C18orf63: variants seen among roughly 807,000 people sequenced by gnomAD.
C18orf63 encodes the protein chromosome 18 open reading frame 63, also known as uncharacterized protein C18orf63.
C18orf63 carries 50 observed loss-of-function variants against 75.3 expected under a neutral mutation model. That is an observed-to-expected ratio of 0.66 (90% confidence interval 0.53 to 0.84). C18orf63 has a LOEUF of 0.84. Among genes scored for constraint, C18orf63 ranks in the 40% least tolerant of loss-of-function variants. C18orf63 has a pLI of 0.00. For synonymous variants in C18orf63, 232 were observed against 267.6 expected (o/e 0.87, Z 1.30); for missense variants, 732 against 800.2 (o/e 0.91, Z 1.03).
In C18orf63 at chr18:74,320,387, C is replaced by T. The variant is rs148848920; in HGVS notation, c.135-126C>T. The T allele has an allele frequency of 9.5e-4, 545 of 573,630 alleles. 5 individuals carry two copies. In the East Asian group the frequency reaches 0.012, roughly 13 times the overall value. The allele number at this position is 573,630 out of a possible 1,614,324, so 35.5% of individuals were successfully genotyped here. A position where few individuals can be genotyped will look rare whatever the true frequency, so the allele number is the denominator to read the frequency against. ...GAGCAACAGGGGGGAAATCCGCCGC[C>T]ATGAGCCAATCACTTCCCACCAGGT... On this transcript the variant is annotated intron_variant, in intron 2 of 13. Transcript: ENST00000579455.
rs1030918290 is a variant in C18orf63, at chr18:74,322,885, C to A, written c.270+131C>A. 8.4e-5 allele frequency: 26 copies of A among 310,970 alleles called. No homozygotes were observed. The East Asian group carries it at 9.5e-4, about 11-fold the overall frequency. 19.3% of individuals were successfully genotyped at this position (310,970 alleles called of 1,614,324 possible). A position where few individuals can be genotyped will look rare whatever the true frequency, so the allele number is the denominator to read the frequency against. On this transcript the variant is annotated intron_variant, in intron 4 of 13. Coordinates refer to ENST00000579455, the MANE Select transcript of C18orf63 (RefSeq NM_001174123.2). ...TTGTTATGCGTATGAAAGAACCCAACAAATTTTTTCTAACAATTATTATGT... is the reference window on the plus strand; with the variant it reads ...TTGTTATGCGTATGAAAGAACCCAAAAAATTTTTTCTAACAATTATTATGT...
intron 7 of C18orf63, among the ~76,000 whole-genome samples, chr18:74,336,243 T>C (rs1984389213): frequency 1.3e-5 from 2 of 152,060 alleles, no homozygotes; most frequent in African/African-American, 2.4e-5. Flanking sequence ...TTAGGTTTTT[T>C]GGTTCAAATT....
At chr18:74,327,882 A>G in intron 4 of C18orf63, 65 bp from the exon 5 acceptor site, 4 of 936,302 alleles carry the variant, frequency 4.3e-6, no homozygotes, top group Non-Finnish European at 6.6e-6. Flanking sequence ...GTCATTTCCT[A>G]TTAGTATATG....
intron 4 of C18orf63, among the ~76,000 whole-genome samples, chr18:74,325,053 G>A (rs1484254791): frequency 2.0e-5 from 3 of 152,146 alleles, no homozygotes; most frequent in Non-Finnish European, 1.5e-5. Flanking sequence ...TGATTCTGGG[G>A]ATAAAGCTGT....
At chr18:74,328,232 C>T (rs978185594) in intron 5 of C18orf63, among the ~76,000 whole-genome samples, 174 bp downstream of exon 5, 4 of 152,032 alleles carry the variant, frequency 2.6e-5, no homozygotes, top group African/African-American at 7.2e-5. Context: ...ACAATCATGG[C>T]GGAAGATGAA....
Position 74,327,988 on chromosome 18 carries a change from C to CATA in C18orf63, c.312_313insATA (p.Asn104_Cys105insIle). The stretch of plus-strand genomic sequence containing the variant: ...GAGTAATTCCTGTAATTCTTCAGAA[C>CATA]TGCCTGTCATATTCATTCATGGCTA... On this transcript the variant is annotated inframe_insertion, in exon 5 of 14. Transcript: ENST00000579455. 6.5e-7 allele frequency: 1 copy of CATA among 1,535,606 alleles called. No homozygotes were observed. The highest frequency in any genetic ancestry group is 8.7e-7 in the Non-Finnish European group (1 of 1,146,418).
intron 10 of C18orf63, 59 bp from the exon 11 acceptor site, chr18:74,343,460 C>T: frequency 9.1e-7 from 1 of 1,101,746 alleles, no homozygotes; most frequent in Non-Finnish European, 1.2e-6. Flanking sequence ...TTTAAAATCC[C>T]TTATAAATTT....
In C18orf63 at chr18:74,322,690, T is replaced by G; in HGVS notation, c.214-8T>G. 1 of 1,179,784 alleles carries G rather than the reference T, an allele frequency of 8.5e-7. No homozygotes were observed. The allele number at this position is 1,179,784 out of a possible 1,614,324, so 73.1% of individuals were successfully genotyped here. A position where few individuals can be genotyped will look rare whatever the true frequency, so the allele number is the denominator to read the frequency against. ...AGTCCTTTTTATAAATGTGGATTTT[T>G]GTTACAGATACCATTTTATAAAGCA... On this transcript the variant is annotated splice_region_variant and splice_polypyrimidine_tract_variant and intron_variant, in intron 3 of 13. Coordinates refer to ENST00000579455, the MANE Select transcript of C18orf63 (RefSeq NM_001174123.2).
chr18:74,338,787 C>T lies in C18orf63; in HGVS notation c.574C>T (p.His192Tyr), dbSNP rs1040688669. ...HANKHAVIER[H>Y]SILSNWCYVL... Reference sequence around the variant, plus strand: ...TAACAAGCATGCTGTCATTGAGAGACATTCCATTTTAAGCAACTGGTGCTA... The same window carrying T: ...TAACAAGCATGCTGTCATTGAGAGATATTCCATTTTAAGCAACTGGTGCTA... Residue 192 changes from histidine to tyrosine, a missense_variant, in exon 8 of 14, where the codon CAT becomes TAT. Transcript: ENST00000579455. 7.1e-7 allele frequency: 1 copy of T among 1,416,378 alleles called. No individual in the cohort carries two copies. Among genetic ancestry groups the T allele is most frequent in the Non-Finnish European group, 9.3e-7 (1 of 1,072,826 alleles). The allele number at this position is 1,416,378 out of a possible 1,614,324, so 87.7% of individuals were successfully genotyped here.
Position 74,327,963 on chromosome 18 carries a change from G to A in C18orf63, c.287G>A (p.Arg96Lys). Residue 96 changes from arginine to lysine, a missense_variant, in exon 5 of 14, where the codon AGA becomes AAA. Arg to Lys is a conservative substitution (Grantham distance 26). Around this residue, in one of 3 missense-constraint regions of C18orf63, gnomAD observed 233 missense variants for 272.7 expected, o/e 0.85. Coordinates refer to ENST00000579455, the MANE Select transcript of C18orf63 (RefSeq NM_001174123.2). ...KYGAKMEAPQ[R>K]VIPVILQNCL... ...TATTTTTAGATGGAGGCTCCACAAAGAGTAATTCCTGTAATTCTTCAGAAC... is the reference window on the plus strand; with the variant it reads ...TATTTTTAGATGGAGGCTCCACAAAAAGTAATTCCTGTAATTCTTCAGAAC... 1 of 1,534,672 alleles carries A rather than the reference G, an allele frequency of 6.5e-7. No individual in the cohort carries two copies. Among genetic ancestry groups the A allele is most frequent in the Non-Finnish European group, 8.7e-7 (1 of 1,145,600 alleles).
intron 11 of C18orf63, among the ~76,000 whole-genome samples, chr18:74,345,305 C>T (rs1219298894): frequency 1.3e-5 from 2 of 151,352 alleles, no homozygotes; most frequent in Non-Finnish European, 3.0e-5. Flanking sequence ...ACATAATTAT[C>T]TTCTTTCATT....
intron 7 of C18orf63, among the ~76,000 whole-genome samples, chr18:74,332,091 C>G (rs28380203): frequency 6.6e-6 from 1 of 152,086 alleles, no homozygotes; most frequent in Non-Finnish European, 1.5e-5. Context: ...CTGTACCAAA[C>G]TGTCTTTGTT....
At chr18:74,341,875 T>C (rs1206759070) in intron 8 of C18orf63, among the ~76,000 whole-genome samples, 157 bp from the exon 9 acceptor site, 1 of 152,230 alleles carries the variant, frequency 6.6e-6, no homozygotes, top group Non-Finnish European at 1.5e-5. Flanking sequence ...TAAAAAGATT[T>C]AGTACAACGT....
At chr18:74,346,101 A>G (rs1984570884) in intron 11 of C18orf63, among the ~76,000 whole-genome samples, 1 of 152,112 alleles carries the variant, frequency 6.6e-6, no homozygotes. Flanking sequence ...AATAGTTTAT[A>G]ACTTTATGTA....
intron 13 of C18orf63, among the ~76,000 whole-genome samples, chr18:74,356,095 A>C (rs552976229): frequency 3.3e-5 from 5 of 152,334 alleles, no homozygotes; most frequent in African/African-American, 1.2e-4. Flanking sequence ...TAATTTCATC[A>C]GGTAGAAGGA....
rs374327148 is a variant in C18orf63 at position 74,322,869 on chromosome 18, G to A, written c.270+115G>A. ...TCTTTCTCATAGACCATTGTTATGC[G>A]TATGAAAGAACCCAACAAATTTTTT... On this transcript the variant is annotated intron_variant, in intron 4 of 13. Coordinates refer to ENST00000579455, the MANE Select transcript of C18orf63 (RefSeq NM_001174123.2). 3.3e-5 allele frequency: 11 copies of A among 334,540 alleles called. 1 individual carries two copies. Among genetic ancestry groups the A allele is most frequent in the East Asian group, 1.8e-4 (4 of 21,946 alleles). The allele number at this position is 334,540 out of a possible 1,614,324, so 20.7% of individuals were successfully genotyped here. A position where few individuals can be genotyped will look rare whatever the true frequency, so the allele number is the denominator to read the frequency against.
Position 74,353,461 on chromosome 18 carries a change from CCTGT to C in C18orf63, c.1197_1200del (p.Ile401GlyfsTer10), listed in dbSNP as rs1984705092. On this transcript the variant is annotated frameshift_variant, in exon 12 of 14. Transcript: ENST00000579455. LOFTEE classifies it high-confidence loss of function. ...AGTCTGTTCAGGGTAGAAAGAAATC[CCTGT>C]CTATCAGGGCTCCACAAGTACATTC... The C allele has an allele frequency of 4.6e-6, 7 of 1,536,284 alleles. No individual in the cohort carries two copies. The highest frequency in any genetic ancestry group is 5.2e-6 in the Non-Finnish European group (6 of 1,146,886).
chr18:74,323,301 C>T (rs551100375), intron 4 of C18orf63, among the ~76,000 whole-genome samples: 1 of 152,254 alleles, frequency 6.6e-6, no homozygotes, highest in Admixed American at 6.5e-5. Context: ...TTATTGCTGG[C>T]CTCTGTTCCT....
chr18:74,347,710 T>TA (rs1984596930), intron 11 of C18orf63, among the ~76,000 whole-genome samples: 1 of 152,138 alleles, frequency 6.6e-6, no homozygotes, highest in African/African-American at 2.4e-5. Flanking sequence ...GGCATAAATT[T>TA]AAAAAATGGA....
Sources: gnomAD v4.1 joint callset for allele counts (sites outside exome capture counted in the v4.1 genomes callset) on GRCh38, gnomAD v4.1.1 for gene constraint, gnomAD v4.1.1 regional missense constraint, MANE v1.5 for transcripts, NCBI Gene and HGNC (gene_info 2026-07-23, HGNC 2026-07-21) for gene names.